The following KATNAL1 variants were observed in gnomAD, a reference collection of about 807,000 sequenced individuals.
KATNAL1 encodes katanin catalytic subunit A1 like 1, also known as katanin p60 ATPase-containing subunit A-like 1.
A neutral mutation model predicts 55.2 loss-of-function variants in KATNAL1; 32 were observed. The observed-to-expected ratio is 0.58, with a 90% confidence interval of 0.44 to 0.78. The LOEUF (loss-of-function observed/expected upper bound fraction) is 0.78. Ranked by LOEUF, KATNAL1 falls within the 30% of genes least tolerant of loss-of-function variation. The probability of loss-of-function intolerance (pLI) is 0.00; values close to 1 mark genes in which losing one functional copy is unlikely to be tolerated. For missense variants in KATNAL1, 466 were observed against 600.9 expected, an observed-to-expected ratio of 0.78 and a Z score of 2.35; for synonymous variants, 193 against 193.6, an observed-to-expected ratio of 1.00 and a Z score of 0.02.
chr13:30,282,558 A>G (rs1473269421), intron 2 of KATNAL1, among the ~76,000 whole-genome samples: 2 of 151,754 alleles, frequency 1.3e-5, no homozygotes, highest in Non-Finnish European at 2.9e-5. Flanking sequence ...AGATCGCTTG[A>G]GCCCAGGAGT....
intron 9 of KATNAL1, among the ~76,000 whole-genome samples, chr13:30,216,240 A>G (rs1283324909): frequency 6.6e-6 from 1 of 152,140 alleles, no homozygotes; most frequent in African/African-American, 2.4e-5. Flanking sequence ...AAAGCAATAC[A>G]TTATCTCCAT....
intron 4 of KATNAL1, among the ~76,000 whole-genome samples, chr13:30,243,584 C>G (rs1016975571): frequency 7.8e-6 from 1 of 128,032 alleles, no homozygotes; most frequent in East Asian, 2.4e-4. Context: ...GCAATACAAC[C>G]AACAGGCCTA....
intron 3 of KATNAL1, among the ~76,000 whole-genome samples, chr13:30,279,014 G>A (rs914554282): frequency 4.6e-5 from 7 of 152,126 alleles, no homozygotes; most frequent in African/African-American, 7.2e-5. Context: ...TAAATTAAAT[G>A]CTTTTCATAG....
chr13:30,281,136 AAG>A (rs1423422980), intron 2 of KATNAL1, among the ~76,000 whole-genome samples: 9 of 137,442 alleles, frequency 6.5e-5, no homozygotes, highest in African/African-American at 2.0e-4. Context: ...AAAAAAAAAA[AAG>A]AAAAGAAAAG....
chr13:30,271,246 G>A (rs1482972571), intron 3 of KATNAL1, among the ~76,000 whole-genome samples: 1 of 152,238 alleles, frequency 6.6e-6, no homozygotes, highest in Non-Finnish European at 1.5e-5. Flanking sequence ...GGAGGAAAAT[G>A]AGGGACAGGT....
intron 4 of KATNAL1, among the ~76,000 whole-genome samples, chr13:30,242,793 T>C (rs889622903): frequency 6.6e-6 from 1 of 151,638 alleles, no homozygotes; most frequent in African/African-American, 2.4e-5. Flanking sequence ...TGAATACCGA[T>C]CGAGGACTAC....
Position 30,273,246 on chromosome 13 carries a change from C to T in KATNAL1, c.323+6817G>A, listed in dbSNP as rs780169996. ...CCTGGCTCCCTTTTTCAGCCAGACT[C>T]ATTGAGGGAGCTGTGCATACTTATC... On this transcript the variant is annotated intron_variant, in intron 3 of 10. Transcript: ENST00000380615. Among the ~76,000 whole-genome samples, 29 of 152,242 alleles carry T rather than the reference C, an allele frequency of 1.9e-4. 1 individual carries two copies. The highest frequency in any genetic ancestry group is 2.9e-4 in the Non-Finnish European group (20 of 68,034).
intron 3 of KATNAL1, among the ~76,000 whole-genome samples, chr13:30,278,227 C>A: frequency 6.7e-6 from 1 of 149,578 alleles, no homozygotes; most frequent in Non-Finnish European, 1.5e-5. Flanking sequence ...TTTTTCCAGA[C>A]AATATACAAT....
intron 6 of KATNAL1, among the ~76,000 whole-genome samples, chr13:30,232,496 C>A (rs892930496): frequency 1.3e-5 from 2 of 151,970 alleles, no homozygotes; most frequent in Non-Finnish European, 2.9e-5. Flanking sequence ...TATTTTTTTG[C>A]TTTGTTAGGG....
chr13:30,247,728 A>G (rs953150141), intron 4 of KATNAL1, among the ~76,000 whole-genome samples: 1 of 152,196 alleles, frequency 6.6e-6, no homozygotes, highest in Admixed American at 6.5e-5. Flanking sequence ...CTTGTAGACC[A>G]TTATAAGGAC....
chr13:30,257,404 C>T (rs919740319), intron 3 of KATNAL1, among the ~76,000 whole-genome samples: 8 of 152,142 alleles, frequency 5.3e-5, no homozygotes. Context: ...CTTTGTGGTC[C>T]TGCTTTTTAG....
At chr13:30,259,419 G>C (rs1045446541) in intron 3 of KATNAL1, among the ~76,000 whole-genome samples, 4 of 152,124 alleles carry the variant, frequency 2.6e-5, no homozygotes, top group African/African-American at 4.8e-5. Flanking sequence ...CAGTGTGAGC[G>C]ACGCAAAAGA....
intron 1 of KATNAL1, among the ~76,000 whole-genome samples, chr13:30,294,569 G>A (rs1237981768): frequency 6.6e-6 from 1 of 152,236 alleles, no homozygotes; most frequent in East Asian, 1.9e-4. Context: ...TAACACAAAA[G>A]TGCAAGGTGA....
At chr13:30,297,434 T>C (rs1270874382) in intron 1 of KATNAL1, among the ~76,000 whole-genome samples, 1 of 152,216 alleles carries the variant, frequency 6.6e-6, no homozygotes, top group African/African-American at 2.4e-5. Context: ...ACTTATACAT[T>C]GTTGGTATGG....
intron 1 of KATNAL1, among the ~76,000 whole-genome samples, chr13:30,292,392 C>A (rs1882193277): frequency 2.0e-5 from 3 of 151,920 alleles, no homozygotes; most frequent in Admixed American, 1.3e-4. Flanking sequence ...ATCAGTTCCC[C>A]AAGCCCCAAT....
At chr13:30,259,265 G>A (rs959884036) in intron 3 of KATNAL1, among the ~76,000 whole-genome samples, 44 of 152,054 alleles carry the variant, frequency 2.9e-4, no homozygotes, top group African/African-American at 1.0e-3. Flanking sequence ...ACTTGAATCT[G>A]AGAGGCAAAG....
At chr13:30,300,692 A>G (rs58713342) in intron 1 of KATNAL1, among the ~76,000 whole-genome samples, 2,710 of 152,248 alleles carry the variant, frequency 0.018, 79 homozygotes, top group African/African-American at 0.061. Flanking sequence ...TAATCAACCA[A>G]ATAGTTAATT....
At chr13:30,224,211 T>A (rs780307968) in intron 9 of KATNAL1, among the ~76,000 whole-genome samples, 7 of 151,968 alleles carry the variant, frequency 4.6e-5, no homozygotes, top group Non-Finnish European at 8.8e-5. Context: ...AAGCAGTACT[T>A]AATGAGAAAT....
intron 4 of KATNAL1, among the ~76,000 whole-genome samples, chr13:30,246,405 TA>T (rs1877799625): frequency 2.0e-5 from 3 of 152,084 alleles, no homozygotes; most frequent in Non-Finnish European, 4.4e-5. Context: ...AAGATGGATT[TA>T]AGACTTAAAC....
Sources: gnomAD v4.1 joint callset for allele counts (sites outside exome capture counted in the v4.1 genomes callset) on GRCh38, gnomAD v4.1.1 for gene constraint, MANE v1.5 for transcripts, NCBI Gene and HGNC (gene_info 2026-07-23, HGNC 2026-07-21) for gene names.